The following ANKRD46 variants were observed in gnomAD, a reference collection of about 807,000 sequenced individuals.
ANKRD46 encodes the protein ankyrin repeat domain-containing protein 46.
Under a neutral mutation model 19.8 loss-of-function variants are expected in ANKRD46, and 13 were observed. That is an observed-to-expected ratio of 0.66 (90% CI 0.43 to 1.04). The LOEUF (loss-of-function observed/expected upper bound fraction) is 1.04. Among genes scored for constraint, ANKRD46 ranks in the 50% least tolerant of loss-of-function variants. ANKRD46 has a pLI of 0.00. For synonymous variants in ANKRD46, 91 were observed against 106.9 expected (o/e 0.85, Z 0.92); for missense variants, 185 against 274.8 (o/e 0.67, Z 2.31).
rs1383632231 is a variant in ANKRD46 at position 100,559,669 on chromosome 8, GGCTCTAGCCCA to G, written c.-131+31_-131+41del. The G allele has an allele frequency of 6.6e-6, 1 of 152,376 alleles. No individual in the cohort carries two copies. Among genetic ancestry groups the G allele is most frequent in the African/African-American group, 2.4e-5 (1 of 41,474 alleles). The allele number at this position is 152,376 out of a possible 1,614,324, so 9.4% of individuals were successfully genotyped here. ...AGGGACGGTGCAGGAGATATCAAGT[GGCTCTAGCCCA>G]GGCGCTGCCCACAGGCCCCGGGCCA... On this transcript the variant is annotated intron_variant, in intron 1 of 4. Coordinates refer to ENST00000335659, the MANE Select transcript of ANKRD46 (RefSeq NM_001270377.2). This position sits in a 1 kb window ranked among gnomAD's most constrained non-coding sequence, Gnocchi z 6.0.
At position 100,529,003 on chromosome 8, in the gene ANKRD46, T is replaced by A. The variant is rs187300616; in HGVS notation, c.311+520A>T. Among the ~76,000 whole-genome samples, 1 of 152,308 alleles carries A rather than the reference T, an allele frequency of 6.6e-6. No individual in the cohort carries two copies. The highest frequency in any genetic ancestry group is 1.5e-5 in the Non-Finnish European group (1 of 68,026). ...CCGGGAGATTATGAAGCTCACATGGTGCGTTACATGACAGAAGGCACACAA... is the reference window on the plus strand; with the variant it reads ...CCGGGAGATTATGAAGCTCACATGGAGCGTTACATGACAGAAGGCACACAA... On this transcript the variant is annotated intron_variant, in intron 3 of 4. Coordinates refer to ENST00000335659, the MANE Select transcript of ANKRD46 (RefSeq NM_001270377.2). This position sits in a 1 kb window ranked among gnomAD's most constrained non-coding sequence, Gnocchi z 5.8.
chr8:100,556,538 A>C (rs1479343053), intron 1 of ANKRD46: 2 of 152,198 alleles, frequency 1.3e-5, no homozygotes, highest in African/African-American at 4.8e-5. Flanking sequence ...AGTGCTTTCA[A>C]ATAACCGACA....
chr8:100,512,439 T>C (rs1811562924), intron 5 of ANKRD46, among the ~76,000 whole-genome samples: 1 of 152,182 alleles, frequency 6.6e-6, no homozygotes, highest in South Asian at 2.1e-4. Context: ...GACCGGACAA[T>C]AGCTGAAGTT....
At chr8:100,535,577 C>T (rs1487247237) in intron 1 of ANKRD46, among the ~76,000 whole-genome samples, 1 of 152,174 alleles carries the variant, frequency 6.6e-6, no homozygotes, top group Non-Finnish European at 1.5e-5. Context: ...CTCCTTAACA[C>T]CTAGAAAACA....
At chr8:100,540,717 T>C (rs1436483964) in intron 1 of ANKRD46, among the ~76,000 whole-genome samples, 2 of 152,194 alleles carry the variant, frequency 1.3e-5, no homozygotes, top group East Asian at 3.8e-4. Flanking sequence ...AGAAAAGGTA[T>C]TGGCTTAAGA....
At position 100,521,185 on chromosome 8, in the gene ANKRD46, A is replaced by G. The variant is rs1811717236; in HGVS notation, c.*1370T>C. 35 of 985,102 alleles carry G rather than the reference A, an allele frequency of 3.6e-5. No homozygotes were observed. Among genetic ancestry groups the G allele is most frequent in the Non-Finnish European group, 4.1e-5 (34 of 829,920 alleles). 61.0% of individuals were successfully genotyped at this position (985,102 alleles called of 1,614,324 possible). The stretch of plus-strand genomic sequence containing the variant: ...CCTCAATACTAGATACATAGATACA[A>G]GAGAAAATACCAAGAAGCAAAAAGA... On this transcript the variant is annotated 3_prime_UTR_variant, in exon 5 of 5. Coordinates refer to ENST00000335659, the MANE Select transcript of ANKRD46 (RefSeq NM_001270377.2).
At position 100,511,762 on chromosome 8, in the gene ANKRD46, G is replaced by A. The variant is rs960546922; in HGVS notation, c.637-1123C>T. Among the ~76,000 whole-genome samples, 1 of 152,184 alleles carries A rather than the reference G, an allele frequency of 6.6e-6. No homozygotes were observed. The highest frequency in any genetic ancestry group is 1.5e-5 in the Non-Finnish European group (1 of 68,028). Reference sequence around the variant, plus strand: ...ATTTCGGCTGGGCATGGTGGCTCACGCCTGTAATCCCAGCACTTTGGGAGG... The same window carrying A: ...ATTTCGGCTGGGCATGGTGGCTCACACCTGTAATCCCAGCACTTTGGGAGG... On this transcript the variant is annotated intron_variant, in intron 5 of 5. Coordinates refer to the ANKRD46 transcript ENST00000520552. This position sits in a 1 kb window ranked among gnomAD's most constrained non-coding sequence, Gnocchi z 4.1.
rs16898577 is a variant in ANKRD46 at position 100,553,890 on chromosome 8, C to A, written c.-131+5821G>T. On this transcript the variant is annotated intron_variant, in intron 1 of 4. Transcript: ENST00000335659. ...AATACAGCAGAGTATCTAATGTCAT[C>A]AAGACCCAATATGGAAAGGTAGCTA... 7.6e-3 allele frequency among the ~76,000 whole-genome samples: 1,155 copies of A among 152,330 alleles called. 18 individuals carry two copies. Among genetic ancestry groups the A allele is most frequent in the African/African-American group, 0.026 (1,073 of 41,560 alleles).
At chr8:100,540,628 T>C (rs1413941227) in intron 1 of ANKRD46, among the ~76,000 whole-genome samples, 1 of 152,234 alleles carries the variant, frequency 6.6e-6, no homozygotes, top group Non-Finnish European at 1.5e-5. Context: ...CAACGATTTC[T>C]GATATATTTC....
Position 100,539,343 on chromosome 8 carries a change from A to G in ANKRD46, c.-130-6032T>C, listed in dbSNP as rs187600405. Among the ~76,000 whole-genome samples, 3 of 152,356 alleles carry G rather than the reference A, an allele frequency of 2.0e-5. No individual in the cohort carries two copies. In the East Asian group the frequency reaches 5.8e-4, roughly 29 times the overall value. On this transcript the variant is annotated intron_variant, in intron 1 of 4. Coordinates refer to ENST00000335659, the MANE Select transcript of ANKRD46 (RefSeq NM_001270377.2). ...TTTGGATTCTTTAAAAAAGGAAAAG[A>G]GTTGCTCTCTTTCTGTGGGAAGTAA...
rs1308826191 is a variant in ANKRD46 at position 100,522,471 on chromosome 8, G to A, written c.*84C>T. The A allele has an allele frequency of 2.5e-5, 39 of 1,555,994 alleles. No homozygotes were observed. Among genetic ancestry groups the A allele is most frequent in the South Asian group, 5.9e-5 (5 of 84,160 alleles). ...ACATGTACTGCCCTCACTGCTTTGC[G>A]CTAAGAAAAATTCTGAGAAACTGAG... On this transcript the variant is annotated 3_prime_UTR_variant, in exon 5 of 5. Transcript: ENST00000335659.
At chr8:100,556,595 C>T (rs1208209492) in intron 1 of ANKRD46, 1 of 152,178 alleles carries the variant, frequency 6.6e-6, no homozygotes, top group East Asian at 1.9e-4. Flanking sequence ...GTCCATACTG[C>T]AGTCTCCAAT....
rs1345420276 is a variant in ANKRD46 at position 100,534,606 on chromosome 8, A to C, written c.-130-1295T>G. On this transcript the variant is annotated intron_variant, in intron 1 of 4. Coordinates refer to ENST00000335659, the MANE Select transcript of ANKRD46 (RefSeq NM_001270377.2). This position sits in a 1 kb window ranked among gnomAD's most constrained non-coding sequence, Gnocchi z 4.2. ...TTGGCTTTAATTTTCAATGTTAATT[A>C]AAATGGTGCAAGTGGGTTATTCTGG... is the stretch of plus-strand genomic sequence containing the variant. Among the ~76,000 whole-genome samples the C allele has an allele frequency of 6.6e-6, 1 of 152,224 alleles. No individual in the cohort carries two copies. The highest frequency in any genetic ancestry group is 1.5e-5 in the Non-Finnish European group (1 of 68,036).
rs149024947 is a variant in ANKRD46, at chr8:100,521,534, C to T, written c.*1021G>A. ...TTTATGACACCCAGTACGATACTGT[C>T]CAGCACTGTTAACTCAGAAATGCTC... On this transcript the variant is annotated 3_prime_UTR_variant, in exon 5 of 5. Coordinates refer to ENST00000335659, the MANE Select transcript of ANKRD46 (RefSeq NM_001270377.2). 2.7e-4 allele frequency: 270 copies of T among 985,434 alleles called. 3 individuals are homozygous for T. The South Asian group carries it at 8.0e-3, about 29-fold the overall frequency. The allele number at this position is 985,434 out of a possible 1,614,324, so 61.0% of individuals were successfully genotyped here. A position where few individuals can be genotyped will look rare whatever the true frequency, so the allele number is the denominator to read the frequency against.
chr8:100,520,544 G>A (rs548123563), downstream of ANKRD46, among the ~76,000 whole-genome samples: 48 of 152,188 alleles, frequency 3.2e-4, no homozygotes, highest in South Asian at 6.2e-4. Flanking sequence ...ATAATTGGGA[G>A]GGGCTTAATT....
In ANKRD46 at chr8:100,532,576, T is replaced by TA. The variant is rs1452504778; in HGVS notation, c.-28+632dup. On this transcript the variant is annotated intron_variant, in intron 2 of 4. Transcript: ENST00000335659. The surrounding 1 kb of genome is among the most constrained non-coding windows in gnomAD (Gnocchi z 4.7). ...AATTCTTTTGCGAGGGTAATCTAAA[T>TA]ATTTTCCCTTACAGCAAGGGTGTCC... is the stretch of plus-strand genomic sequence containing the variant. The TA allele has an allele frequency of 6.6e-6, 1 of 152,200 alleles. No homozygotes were observed. The highest frequency in any genetic ancestry group is 1.9e-4 in the East Asian group (1 of 5,202). The allele number at this position is 152,200 out of a possible 1,614,324, so 9.4% of individuals were successfully genotyped here.
chr8:100,518,761 A>G (rs189809155), downstream of ANKRD46, among the ~76,000 whole-genome samples: 1 of 152,210 alleles, frequency 6.6e-6, no homozygotes, highest in Admixed American at 6.5e-5. Context: ...CTGAGGCAGG[A>G]GAATGGCGTG....
In ANKRD46 at chr8:100,537,473, C is replaced by T. The variant is rs1706145195; in HGVS notation, c.-130-4162G>A. On this transcript the variant is annotated intron_variant, in intron 1 of 4. Coordinates refer to ENST00000335659, the MANE Select transcript of ANKRD46 (RefSeq NM_001270377.2). This position sits in a 1 kb window ranked among gnomAD's most constrained non-coding sequence, Gnocchi z 4.2. ...ACTAAAACTGTAAAAATGAATGATA[C>T]ACAGTAAATGAAACCCCCAAATCTA... Among the ~76,000 whole-genome samples, 1 of 152,194 alleles carries T rather than the reference C, an allele frequency of 6.6e-6. No individual in the cohort carries two copies. The highest frequency in any genetic ancestry group is 1.5e-5 in the Non-Finnish European group (1 of 68,034).
chr8:100,511,570 CA>C lies in ANKRD46; in HGVS notation c.637-932del, dbSNP rs199498687. ...TACTTATTTTATCCAAATTAAATGACAAAAAAAAATCATATACACATACCTA... is the reference window on the plus strand; with the variant it reads ...TACTTATTTTATCCAAATTAAATGACAAAAAAAATCATATACACATACCTA... On this transcript the variant is annotated intron_variant, in intron 5 of 5. Transcript: ENST00000520552. The surrounding 1 kb of genome is among the most constrained non-coding windows in gnomAD (Gnocchi z 4.1). Among the ~76,000 whole-genome samples, 16 of 150,158 alleles carry C rather than the reference CA, an allele frequency of 1.1e-4. No individual in the cohort carries two copies. Among genetic ancestry groups the C allele is most frequent in the African/African-American group, 2.7e-4 (11 of 40,940 alleles).
Sources: allele counts gnomAD v4.1 joint callset (sites outside exome capture counted in the v4.1 genomes callset), GRCh38; gene constraint gnomAD v4.1.1; non-coding constraint Gnocchi (gnomAD v3.1); transcripts MANE v1.5; gene names NCBI Gene and HGNC (gene_info 2026-07-23, HGNC 2026-07-21).